The following CIP2A variants were observed in gnomAD, a reference collection of about 807,000 sequenced individuals.
The protein encoded by CIP2A is cellular inhibitor of PP2A, also known as protein CIP2A.
A neutral mutation model predicts 110.9 loss-of-function variants in CIP2A; 103 were observed. That is an observed-to-expected ratio of 0.93 (90% CI 0.79 to 1.09). The LOEUF (loss-of-function observed/expected upper bound fraction) is 1.09. Among genes scored for constraint, CIP2A ranks in the 50% least tolerant of loss-of-function variants. The pLI, the probability that CIP2A is intolerant of heterozygous loss-of-function variation, is 0.00. For missense variants in CIP2A, 1,088 were observed against 1,038.4 expected (o/e 1.05, Z -0.66); for synonymous variants, 381 against 361.6 (o/e 1.05, Z -0.61).
At chr3:108,557,105 T>C in intron 17 of CIP2A, 113 bp downstream of exon 17, 1 of 591,830 alleles carries the variant, frequency 1.7e-6, no homozygotes, top group Non-Finnish European at 3.0e-6. Flanking sequence ...ACTTACCTCA[T>C]GTGTTATCAG....
At chr3:108,555,518 C>G (rs988072129) in intron 17 of CIP2A, among the ~76,000 whole-genome samples, 2 of 152,136 alleles carry the variant, frequency 1.3e-5, no homozygotes, top group African/African-American at 4.8e-5. Context: ...GAGACCCGGA[C>G]CCTCATTGAG....
At chr3:108,576,605 C>T (rs1032380274) in intron 7 of CIP2A, among the ~76,000 whole-genome samples, 1 of 152,008 alleles carries the variant, frequency 6.6e-6, no homozygotes, top group African/African-American at 2.4e-5. Context: ...ATTTCTTTAT[C>T]CACGAATACA....
chr3:108,570,679 A>G (rs1173035244), intron 8 of CIP2A, among the ~76,000 whole-genome samples: 1 of 152,122 alleles, frequency 6.6e-6, no homozygotes, highest in Admixed American at 6.6e-5. Flanking sequence ...TAAACAAAAC[A>G]TGCAGGACTG....
intron 14 of CIP2A, 134 bp from the exon 15 acceptor site, chr3:108,560,162 G>T: frequency 1.7e-6 from 1 of 596,958 alleles, no homozygotes; most frequent in Non-Finnish European, 3.0e-6. Context: ...TGCTACATCA[G>T]GTAAGTCACA....
intron 10 of CIP2A, among the ~76,000 whole-genome samples, chr3:108,567,348 G>T (rs1006889020): frequency 6.6e-6 from 1 of 151,710 alleles, no homozygotes; most frequent in Admixed American, 6.6e-5. Flanking sequence ...CTTAGAAGAG[G>T]ATATTAAACA....
rs541208089 is a variant in CIP2A at position 108,586,471 on chromosome 3, T to G, written c.103-1259A>C. Among the ~76,000 whole-genome samples, 16 of 152,318 alleles carry G rather than the reference T, an allele frequency of 1.1e-4. 1 individual carries two copies. Among genetic ancestry groups the G allele is most frequent in the Admixed American group, 6.5e-4 (10 of 15,306 alleles). On this transcript the variant is annotated intron_variant, in intron 1 of 20. Coordinates refer to ENST00000295746, the MANE Select transcript of CIP2A (RefSeq NM_020890.3). ...CATAAATTGTCTAACATGTAATAAT[T>G]ATATGCACTAGGTAAAATAAAAATT...
chr3:108,564,030 C>T (rs537081927), intron 12 of CIP2A, among the ~76,000 whole-genome samples: 42 of 151,992 alleles, frequency 2.8e-4, no homozygotes, highest in Middle Eastern at 3.4e-3. Context: ...AGTTTGACTC[C>T]TTTAAAAATA....
rs1230929448 is a variant in CIP2A, at chr3:108,565,425, G to A, written c.1445C>T (p.Thr482Ile). Reference protein sequence around the residue: ...CKLAADVILKTLDLINKLKPL... With the variant: ...CKLAADVILKILDLINKLKPL... The stretch of plus-strand genomic sequence containing the variant: ...TTTAAGTTTGTTAATCAAATCAAGA[G>A]TTTTCAAAATTACATCAGCAGCAAG... The change falls in exon 12 of 21, where the codon ACT (threonine) becomes ATT (isoleucine). Residue 482 changes from threonine (T) to isoleucine (I), a missense_variant. Physicochemically the swap from Thr to Ile is moderately conservative, Grantham distance 89. Coordinates refer to ENST00000295746, the MANE Select transcript of CIP2A (RefSeq NM_020890.3). The A allele has an allele frequency of 6.3e-7, 1 of 1,595,474 alleles. No individual in the cohort carries two copies. Among genetic ancestry groups the A allele is most frequent in the Non-Finnish European group, 8.5e-7 (1 of 1,170,604 alleles).
intron 20 of CIP2A, among the ~76,000 whole-genome samples, chr3:108,551,925 T>C (rs1937606115): frequency 6.6e-6 from 1 of 152,160 alleles, no homozygotes. Context: ...ACACATTATA[T>C]AATATTTGTT....
At chr3:108,563,399 A>T (rs1938075243) in intron 12 of CIP2A, among the ~76,000 whole-genome samples, 155 bp from the exon 13 acceptor site, 1 of 152,136 alleles carries the variant, frequency 6.6e-6, no homozygotes, top group Non-Finnish European at 1.5e-5. Flanking sequence ...TATAGTTTGA[A>T]TATATTATAC....
intron 5 of CIP2A, 24 bp from the exon 6 acceptor site, chr3:108,579,712 T>C: frequency 7.0e-7 from 1 of 1,430,030 alleles, no homozygotes; most frequent in Non-Finnish European, 9.4e-7. Flanking sequence ...AGTTAAAAAA[T>C]AAATTAGAAT....
chr3:108,569,337 T>G, intron 9 of CIP2A, 52 bp downstream of exon 9: 1 of 1,303,818 alleles, frequency 7.7e-7, no homozygotes, highest in Non-Finnish European at 1.1e-6. Flanking sequence ...AGACAAATTG[T>G]TAACTGAGAG....
chr3:108,570,249 GTCTC>G (rs76331526), intron 8 of CIP2A, among the ~76,000 whole-genome samples: 33,075 of 151,550 alleles, frequency 0.22, 4,023 homozygotes, highest in East Asian at 0.45. Context: ...AGATCTCCTT[GTCTC>G]TCTATTTCCA....
chr3:108,550,154 G>A lies in CIP2A; in HGVS notation c.*995C>T, dbSNP rs1307020528. On this transcript the variant is annotated 3_prime_UTR_variant, in exon 21 of 21. Transcript: ENST00000295746. The stretch of plus-strand genomic sequence containing the variant: ...TCAATCAAAATATTGATGTAAAAAC[G>A]TTTCTTACAGAGTAGTTAGAGGATA... 6.6e-6 allele frequency: 1 copy of A among 151,506 alleles called. No homozygotes were observed. Among genetic ancestry groups the A allele is most frequent in the African/African-American group, 2.4e-5 (1 of 41,326 alleles). 9.4% of individuals were successfully genotyped at this position (151,506 alleles called of 1,614,324 possible). A position where few individuals can be genotyped will look rare whatever the true frequency, so the allele number is the denominator to read the frequency against.
At chr3:108,583,324 T>C (rs1291142847) in intron 2 of CIP2A, among the ~76,000 whole-genome samples, 1 of 152,212 alleles carries the variant, frequency 6.6e-6, no homozygotes, top group East Asian at 1.9e-4. Context: ...TTGATACTAA[T>C]TATTTTAGTA....
chr3:108,551,139 G>T lies in CIP2A; in HGVS notation c.*10C>A. 1.7e-6 allele frequency: 2 copies of T among 1,196,598 alleles called. No homozygotes were observed. The highest frequency in any genetic ancestry group is 1.8e-5 in the South Asian group (1 of 56,532). The allele number at this position is 1,196,598 out of a possible 1,614,324, so 74.1% of individuals were successfully genotyped here. A position where few individuals can be genotyped will look rare whatever the true frequency, so the allele number is the denominator to read the frequency against. On this transcript the variant is annotated 3_prime_UTR_variant, in exon 21 of 21. Coordinates refer to ENST00000295746, the MANE Select transcript of CIP2A (RefSeq NM_020890.3). ...ATCATGAGATTACAAATTCCAAAAT[G>T]CCATAATGTCTATATACTGAGATTC...
chr3:108,575,457 T>C (rs1406741173), intron 8 of CIP2A, among the ~76,000 whole-genome samples: 1 of 149,900 alleles, frequency 6.7e-6, no homozygotes, highest in Non-Finnish European at 1.5e-5. Context: ...CATATACATG[T>C]ATACATGTGA....
intron 7 of CIP2A, among the ~76,000 whole-genome samples, chr3:108,577,772 G>C (rs1006538480): frequency 6.6e-6 from 1 of 152,082 alleles, no homozygotes; most frequent in African/African-American, 2.4e-5. Flanking sequence ...GGTGACGTGT[G>C]CCTGTAATCC....
intron 19 of CIP2A, among the ~76,000 whole-genome samples, chr3:108,552,655 G>A (rs1013114461): frequency 1.3e-5 from 2 of 152,106 alleles, no homozygotes; most frequent in South Asian, 2.1e-4. Flanking sequence ...AGGTGCCTGC[G>A]CTCTAAGGCA....
Sources: gnomAD v4.1 joint callset for allele counts (sites outside exome capture counted in the v4.1 genomes callset) on GRCh38, gnomAD v4.1.1 for gene constraint, MANE v1.5 for transcripts, NCBI Gene and HGNC (gene_info 2026-07-23, HGNC 2026-07-21) for gene names.